ERCC2: variants seen among roughly 807,000 people sequenced by gnomAD.
ERCC2 encodes the protein general transcription and DNA repair factor IIH helicase subunit XPD.
A neutral mutation model predicts 99.4 loss-of-function variants in ERCC2; 90 were observed. The ratio of observed to expected loss-of-function variants is 0.91; its 90% confidence interval spans 0.76 to 1.08. ERCC2 has a LOEUF of 1.08. ERCC2 is among the 50% of genes least tolerant of loss of function. The pLI is 0.00. For missense variants in ERCC2, 993 were observed against 1,038.1 expected, an observed-to-expected ratio of 0.96 and a Z score of 0.60; for synonymous variants, 497 against 432.4, an observed-to-expected ratio of 1.15 and a Z score of -1.85.
chr19:45,352,370 G>A lies in ERCC2; in HGVS notation c.2047-18C>T. 8.1e-6 allele frequency: 13 copies of A among 1,613,834 alleles called. No individual in the cohort carries two copies. The highest frequency in any genetic ancestry group is 1.0e-5 in the Non-Finnish European group (12 of 1,179,998). On this transcript the variant is annotated intron_variant, in intron 21 of 22. Coordinates refer to ENST00000391945, the MANE Select transcript of ERCC2 (RefSeq NM_000400.4). Reference sequence around the variant, plus strand: ...GCAAACCGCTGTGGGCAGAAGCGCAGGCCAGGGACAGAAGGTCATTCGGGG... The same window carrying A: ...GCAAACCGCTGTGGGCAGAAGCGCAAGCCAGGGACAGAAGGTCATTCGGGG...
rs369702798 is a variant in ERCC2, at chr19:45,350,812, CA to C, written c.*816del. 436 of 1,300,262 alleles carry C rather than the reference CA, an allele frequency of 3.4e-4. No homozygotes were observed. In the African/African-American group the frequency reaches 5.8e-3, roughly 17 times the overall value. The allele number at this position is 1,300,262 out of a possible 1,614,324, so 80.5% of individuals were successfully genotyped here. Reference sequence around the variant, plus strand: ...CAGAATCCACAGCCCACCCCACCCCCACCCCCATCTTGCTCAAGAACCTTCC... The same window carrying C: ...CAGAATCCACAGCCCACCCCACCCCCCCCCCATCTTGCTCAAGAACCTTCC... On this transcript the variant is annotated 3_prime_UTR_variant, in exon 23 of 23. Transcript: ENST00000391945.
Position 45,352,296 on chromosome 19 carries a change from G to C in ERCC2, c.2103C>G (p.Leu701=), listed in dbSNP as rs745801466. ...GKLPRWIQEH[L]TDANLNLTVD... The stretch of plus-strand genomic sequence containing the variant: ...CGGTCAGGTTGAGGTTGGCATCTGT[G>C]AGGTGCTCCTGGATCCAGCGGGGCA... Residue 701 remains leucine (L), a synonymous_variant, in exon 22 of 23, where the codon CTC becomes CTG. Transcript: ENST00000391945. The C allele has an allele frequency of 1.2e-6, 2 of 1,614,144 alleles. No homozygotes were observed. The highest frequency in any genetic ancestry group is 2.2e-5 in the South Asian group (2 of 91,086).
In ERCC2 at chr19:45,368,932, T is replaced by G; in HGVS notation, c.244A>C (p.Lys82Gln). The G allele has an allele frequency of 6.2e-7, 1 of 1,614,150 alleles. No homozygotes were observed. The highest frequency in any genetic ancestry group is 8.5e-7 in the Non-Finnish European group (1 of 1,180,002). Residue 82 changes from lysine to glutamine, a missense_variant and splice_region_variant, in exon 4 of 23, where the codon AAG (lysine) becomes CAG (glutamine). Physicochemically the swap from Lys to Gln is moderately conservative, Grantham distance 53 (BLOSUM62 1). Transcript: ENST00000391945. ...YCSRTVPEIE[K>Q]VIEELRKLLN... ...CACCAGGATGAGTCCCAGCTTACCTTCTCAATCTCTGGCACAGTTCTTGAG... is the reference window on the plus strand; with the variant it reads ...CACCAGGATGAGTCCCAGCTTACCTGCTCAATCTCTGGCACAGTTCTTGAG...
At chr19:45,361,909 ACCT>A in intron 11 of ERCC2, 1 of 463,872 alleles carries the variant, frequency 2.2e-6, no homozygotes, top group Non-Finnish European at 4.0e-6. Flanking sequence ...TGCTAGCACG[ACCT>A]CCTAAGTGGG....
rs372237226 is a variant in ERCC2 at position 45,357,623 on chromosome 19, G to C, written c.1307+7C>G. 4 of 1,614,098 alleles carry C rather than the reference G, an allele frequency of 2.5e-6. No individual in the cohort carries two copies. The highest frequency in any genetic ancestry group is 2.5e-6 in the Non-Finnish European group (3 of 1,179,964). On this transcript the variant is annotated splice_region_variant and intron_variant, in intron 13 of 22. Coordinates refer to ENST00000391945, the MANE Select transcript of ERCC2 (RefSeq NM_000400.4). ...AGCATTCACACCCTCACCGGGCAGGGTCCCACCTGAAGTGCAGGATGGGGT... is the reference window on the plus strand; with the variant it reads ...AGCATTCACACCCTCACCGGGCAGGCTCCCACCTGAAGTGCAGGATGGGGT...
rs766540207 is a variant in ERCC2 at position 45,357,293 on chromosome 19, C to T, written c.1456G>A (p.Ala486Thr). Residue 486 changes from alanine to threonine, a missense_variant, in exon 15 of 23, where the codon GCA (alanine) becomes ACA (threonine). Ala to Thr is a moderately conservative substitution (Grantham distance 58). Around this residue, in one of 3 missense-constraint regions of ERCC2, gnomAD observed 909 missense variants for 930.8 expected, o/e 0.98. Coordinates refer to ENST00000391945, the MANE Select transcript of ERCC2 (RefSeq NM_000400.4). ...VTMATFTMTL[A>T]RVCLCPMIIG... ...ACCATAGGGCAGAGGCAGACCCGTG[C>T]CAGCGTCATGGTGAAGGTTGCCATG... The T allele has an allele frequency of 6.2e-7, 1 of 1,613,944 alleles. No individual in the cohort carries two copies. Among genetic ancestry groups the T allele is most frequent in the South Asian group, 1.1e-5 (1 of 91,076 alleles).
At chr19:45,368,017 G>A (rs1287608994) in intron 5 of ERCC2, among the ~76,000 whole-genome samples, 3 of 151,166 alleles carry the variant, frequency 2.0e-5, no homozygotes, top group Non-Finnish European at 2.9e-5. Flanking sequence ...CATTACCGAC[G>A]TGTACACCAC....
rs374098911 is a variant in ERCC2 at position 45,350,724 on chromosome 19, C to A, written c.*905G>T. 1 of 1,612,866 alleles carries A rather than the reference C, an allele frequency of 6.2e-7. No homozygotes were observed. The highest frequency in any genetic ancestry group is 8.5e-7 in the Non-Finnish European group (1 of 1,179,680). On this transcript the variant is annotated 3_prime_UTR_variant, in exon 23 of 23. Coordinates refer to ENST00000391945, the MANE Select transcript of ERCC2 (RefSeq NM_000400.4). Reference sequence around the variant, plus strand: ...AGAAGCTGGTCTCCCGGCTCCGAGGCGAGGCGGCGGCAGGAGCAGCCGGGT... The same window carrying A: ...AGAAGCTGGTCTCCCGGCTCCGAGGAGAGGCGGCGGCAGGAGCAGCCGGGT...
Position 45,352,728 on chromosome 19 carries a change from G to A in ERCC2, c.1902+18C>T, listed in dbSNP as rs1971855016. The A allele has an allele frequency of 4.3e-6, 7 of 1,613,892 alleles. No homozygotes were observed. In the East Asian group the frequency reaches 1.1e-4, roughly 26 times the overall value. On this transcript the variant is annotated intron_variant, in intron 20 of 22. Transcript: ENST00000391945. ...GATCCTAACACTGTGGGACTCCCTG[G>A]GAGACAGAGCTACTCACCTTGAGAA...
chr19:45,351,253 TCCC>T lies in ERCC2; in HGVS notation c.*373_*375del. 1 of 1,600,272 alleles carries T rather than the reference TCCC, an allele frequency of 6.2e-7. No individual in the cohort carries two copies. The highest frequency in any genetic ancestry group is 1.3e-5 in the African/African-American group (1 of 74,784). On this transcript the variant is annotated 3_prime_UTR_variant, in exon 23 of 23. Transcript: ENST00000391945. ...GTGGATGTAACACTTGCCCCTCACCTCCCCTCCAACCATCCCCTGTGCCTGTCT... is the reference window on the plus strand; with the variant it reads ...GTGGATGTAACACTTGCCCCTCACCTCTCCAACCATCCCCTGTGCCTGTCT...
rs1212162614 is a variant in ERCC2 at position 45,351,587 on chromosome 19, T to G, written c.*42A>C. 6.2e-7 allele frequency: 1 copy of G among 1,611,944 alleles called. No homozygotes were observed. The highest frequency in any genetic ancestry group is 1.3e-5 in the African/African-American group (1 of 74,908). On this transcript the variant is annotated 3_prime_UTR_variant, in exon 23 of 23. Coordinates refer to ENST00000391945, the MANE Select transcript of ERCC2 (RefSeq NM_000400.4). ...GCTGGGAACCAGGGCCAGGCAAGAC[T>G]CAGGAGTCACCAGGAACCGTTTATG...
At chr19:45,354,492 G>T (rs1009807320) in intron 17 of ERCC2, among the ~76,000 whole-genome samples, 1 of 152,180 alleles carries the variant, frequency 6.6e-6, no homozygotes, top group Non-Finnish European at 1.5e-5. Context: ...TCTGCCACAG[G>T]GTACTCCTCT....
intron 11 of ERCC2, among the ~76,000 whole-genome samples, chr19:45,363,192 G>A (rs1278907296): frequency 6.6e-6 from 1 of 152,162 alleles, no homozygotes; most frequent in Non-Finnish European, 1.5e-5. Flanking sequence ...TCAAGAGACT[G>A]ACTCCCCCAA....
chr19:45,363,595 G>A, intron 11 of ERCC2, 148 bp downstream of exon 11: 1 of 951,566 alleles, frequency 1.1e-6, no homozygotes. Flanking sequence ...GACCTCCCAG[G>A]TCAGACCAGA....
intron 12 of ERCC2, among the ~76,000 whole-genome samples, chr19:45,360,678 C>G (rs1410665348): frequency 2.1e-4 from 5 of 23,860 alleles, no homozygotes; most frequent in Non-Finnish European, 3.5e-4. Context: ...ATGTCTGGCC[C>G]CAGCTAATTT....
rs775864354 is a variant in ERCC2 at position 45,364,290 on chromosome 19, G to A, written c.760C>T (p.Arg254Trp). The change falls in exon 9 of 23, where the codon CGG (arginine) becomes TGG (tryptophan). Residue 254 changes from arginine (R) to tryptophan (W), a missense_variant. Coordinates refer to ENST00000391945, the MANE Select transcript of ERCC2 (RefSeq NM_000400.4). ...IDSMSVNLTR[R>W]TLDRCQGNLE... ...TTGCCCTGGCACCGGTCAAGGGTCC[G>A]GCGGGTGAGGTTGACGCTCATGGAG... 4.3e-6 allele frequency: 7 copies of A among 1,613,910 alleles called. No individual in the cohort carries two copies. The highest frequency in any genetic ancestry group is 1.6e-4 in the Middle Eastern group (1 of 6,084).
chr19:45,352,339 C>T lies in ERCC2; in HGVS notation c.2060G>A (p.Gly687Glu), dbSNP rs1390225215. 1 of 1,614,006 alleles carries T rather than the reference C, an allele frequency of 6.2e-7. No homozygotes were observed. Among genetic ancestry groups the T allele is most frequent in the Non-Finnish European group, 8.5e-7 (1 of 1,180,022 alleles). Residue 687 changes from glycine to glutamate, a missense_variant, in exon 22 of 23, where the codon GGG becomes GAG. Physicochemically the swap from Gly to Glu is moderately conservative, Grantham distance 98. This residue lies in a region of ERCC2 where 909 missense variants were observed against 930.8 expected (regional missense o/e 0.98). Transcript: ENST00000391945. ...MVFADKRFARGDKRGKLPRWI... is the reference protein window; with the variant it reads ...MVFADKRFAREDKRGKLPRWI... ...GCGGGGCAGCTTCCCCCGCTTGTCCCCACGGGCAAACCGCTGTGGGCAGAA... is the reference window on the plus strand; with the variant it reads ...GCGGGGCAGCTTCCCCCGCTTGTCCTCACGGGCAAACCGCTGTGGGCAGAA...
At chr19:45,368,544 T>C (rs1240254992) in intron 5 of ERCC2, 86 bp downstream of exon 5, 20 of 871,038 alleles carry the variant, frequency 2.3e-5, no homozygotes, top group South Asian at 4.1e-5. Context: ...GCAAGAGATA[T>C]GGCCTGGGGA....
chr19:45,352,695 C>T, intron 20 of ERCC2, 46 bp from the exon 21 acceptor site: 1 of 1,613,958 alleles, frequency 6.2e-7, no homozygotes, highest in Non-Finnish European at 8.5e-7. Context: ...GGGAGCCACT[C>T]CTCCCTTGAT....
Sources: allele counts gnomAD v4.1 joint callset (sites outside exome capture counted in the v4.1 genomes callset), GRCh38; gene constraint gnomAD v4.1.1; regional missense constraint gnomAD v4.1.1; transcripts MANE v1.5; gene names NCBI Gene and HGNC (gene_info 2026-07-23, HGNC 2026-07-21).